The following ZNF266 variants were observed in gnomAD, a reference collection of about 807,000 sequenced individuals.
ZNF266 encodes zinc finger protein 1.
ZNF266 carries 16 observed loss-of-function variants against 16.4 expected under a neutral mutation model. The ratio of observed to expected loss-of-function variants is 0.98; its 90% CI spans 0.66 to 1.48. ZNF266 has a LOEUF of 1.48. Ranked by LOEUF, ZNF266 falls within the 40% of genes most tolerant of loss-of-function variation. The pLI, the probability that ZNF266 is intolerant of heterozygous loss-of-function variation, is 0.00. For missense variants in ZNF266, 738 were observed against 689.1 expected, an observed-to-expected ratio of 1.07 and a Z score of -0.79; for synonymous variants, 262 against 237.9, an observed-to-expected ratio of 1.10 and a Z score of -0.93.
Position 9,434,864 on chromosome 19 carries a change from G to A in ZNF266, c.-471-5C>T, listed in dbSNP as rs2072222211. 1 of 152,106 alleles carries A rather than the reference G, an allele frequency of 6.6e-6. No individual in the cohort carries two copies. The highest frequency in any genetic ancestry group is 1.9e-4 in the East Asian group (1 of 5,194). The allele number at this position is 152,106 out of a possible 1,614,324, so 9.4% of individuals were successfully genotyped here. A position where few individuals can be genotyped will look rare whatever the true frequency, so the allele number is the denominator to read the frequency against. On this transcript the variant is annotated splice_polypyrimidine_tract_variant and splice_region_variant and intron_variant, in intron 2 of 10. Transcript: ENST00000592904. ...GCTCTGTGGGGAGGTACAGGCCTAG[G>A]AAGTTCAGATAAAAAGAATAGCTGA...
At chr19:9,432,670 T>C (rs905130342) in intron 5 of ZNF266, among the ~76,000 whole-genome samples, 2 of 152,200 alleles carry the variant, frequency 1.3e-5, no homozygotes, top group Non-Finnish European at 2.9e-5. Context: ...CAAACACTTC[T>C]AATATTAAAT....
At chr19:9,415,570 T>G (rs2068849092) in intron 10 of ZNF266, 84 bp downstream of exon 10, 1 of 1,208,844 alleles carries the variant, frequency 8.3e-7, no homozygotes, top group Non-Finnish European at 1.2e-6. Flanking sequence ...GAGCCACCAT[T>G]CCCAGCTTTA....
At chr19:9,417,130 G>T (rs1167574626) in intron 9 of ZNF266, among the ~76,000 whole-genome samples, 2 of 152,174 alleles carry the variant, frequency 1.3e-5, no homozygotes, top group South Asian at 2.1e-4. Flanking sequence ...CAGCACTTTG[G>T]GAGGCCAAGG....
intron 5 of ZNF266, among the ~76,000 whole-genome samples, chr19:9,422,002 C>T (rs1167727078): frequency 6.6e-6 from 1 of 152,182 alleles, no homozygotes; most frequent in East Asian, 1.9e-4. Context: ...AGGCACCCGC[C>T]ACCACACCCG....
intron 5 of ZNF266, among the ~76,000 whole-genome samples, chr19:9,431,023 A>T (rs1401855168): frequency 6.6e-6 from 1 of 151,974 alleles, no homozygotes; most frequent in Non-Finnish European, 1.5e-5. Flanking sequence ...TCTGTACCTA[A>T]CCCACCCAAC....
chr19:9,429,597 T>C (rs1197326489), intron 5 of ZNF266, among the ~76,000 whole-genome samples: 1 of 151,826 alleles, frequency 6.6e-6, no homozygotes, highest in Non-Finnish European at 1.5e-5. Flanking sequence ...AAGACTCTGA[T>C]GGTGGAGATG....
At chr19:9,424,803 C>G (rs2070486082) in intron 5 of ZNF266, among the ~76,000 whole-genome samples, 1 of 152,108 alleles carries the variant, frequency 6.6e-6, no homozygotes, top group African/African-American at 2.4e-5. Flanking sequence ...CATGGGAATA[C>G]AAAGGACTGT....
intron 5 of ZNF266, among the ~76,000 whole-genome samples, chr19:9,429,682 A>T (rs1431038874): frequency 6.6e-6 from 1 of 152,214 alleles, no homozygotes; most frequent in Admixed American, 6.5e-5. Flanking sequence ...ATGGACACAG[A>T]ACATTTTTTT....
Position 9,414,316 on chromosome 19 carries a change from T to C in ZNF266, c.810A>G (p.Ile270Met). 2 of 1,614,066 alleles carry C rather than the reference T, an allele frequency of 1.2e-6. No homozygotes were observed. The highest frequency in any genetic ancestry group is 1.7e-6 in the Non-Finnish European group (2 of 1,179,960). The change falls in exon 11 of 11, where the codon ATA becomes ATG. Residue 270 changes from isoleucine (I) to methionine (M), a missense_variant. Physicochemically the swap from Ile to Met is conservative, Grantham distance 10. Transcript: ENST00000592904. Reference sequence around the variant, plus strand: ...AGGGTTTTTCTGACCTGTGAGTTTGTATACGCACAGCAAGGTCTGTGGAGT... The same window carrying C: ...AGGGTTTTTCTGACCTGTGAGTTTGCATACGCACAGCAAGGTCTGTGGAGT... ...FIHSTDLAVRIQTHRSEKPYK... is the reference protein window; with the variant it reads ...FIHSTDLAVRMQTHRSEKPYK...
At position 9,413,380 on chromosome 19, in the gene ZNF266, A is replaced by G; in HGVS notation, c.1746T>C (p.Thr582=). 1 of 1,614,260 alleles carries G rather than the reference A, an allele frequency of 6.2e-7. No homozygotes were observed. The highest frequency in any genetic ancestry group is 8.5e-7 in the Non-Finnish European group (1 of 1,180,044). The change falls in exon 11 of 11, where the codon ACT becomes ACC. Residue 582 remains threonine (T), a synonymous_variant. Coordinates refer to ENST00000592904, the MANE Select transcript of ZNF266 (RefSeq NM_001370374.1). ...NSFQLHERTH[T]GEKPYECKEC... is the part of the protein sequence containing the mutation. ...CCTTACATTCATAGGGTTTCTCTCC[A>G]GTGTGAGTTCGTTCATGTAACTGAA...
chr19:9,431,869 C>T (rs948822281), intron 5 of ZNF266, among the ~76,000 whole-genome samples: 3 of 152,180 alleles, frequency 2.0e-5, no homozygotes, highest in East Asian at 1.9e-4. Context: ...GTTGAGCGCA[C>T]GCACGACCTT....
chr19:9,432,770 G>A (rs533647643), intron 5 of ZNF266, among the ~76,000 whole-genome samples: 7 of 133,640 alleles, frequency 5.2e-5, no homozygotes, highest in Non-Finnish European at 9.7e-5. Context: ...GTATGTGATG[G>A]CAGTTAACAG....
At chr19:9,421,462 A>G (rs1190965754) in intron 5 of ZNF266, among the ~76,000 whole-genome samples, 1 of 152,242 alleles carries the variant, frequency 6.6e-6, no homozygotes, top group Non-Finnish European at 1.5e-5. Context: ...ATGAATTTTG[A>G]CAATCGCATA....
intron 5 of ZNF266, among the ~76,000 whole-genome samples, chr19:9,431,380 G>T (rs193189943): frequency 3.4e-4 from 52 of 152,242 alleles, no homozygotes; most frequent in Admixed American, 2.0e-4. Context: ...TGTGCCGACT[G>T]GCTTGATGGC....
Position 9,413,990 on chromosome 19 carries a change from G to A in ZNF266, c.1136C>T (p.Thr379Ile). The A allele has an allele frequency of 1.2e-6, 2 of 1,614,158 alleles. No homozygotes were observed. Among genetic ancestry groups the A allele is most frequent in the Non-Finnish European group, 1.7e-6 (2 of 1,180,038 alleles). Residue 379 changes from threonine to isoleucine, a missense_variant, in exon 11 of 11, where the codon ACT becomes ATT. Physicochemically the swap from Thr to Ile is moderately conservative, Grantham distance 89. Coordinates refer to ENST00000592904, the MANE Select transcript of ZNF266 (RefSeq NM_001370374.1). Reference protein sequence around the residue: ...GIAFTRSSQLTEHLKTHTAKD... With the variant: ...GIAFTRSSQLIEHLKTHTAKD... ...TGCAGTGTGAGTTTTTAAATGTTCA[G>A]TAAGTTGAGAAGATCTAGTGAAGGC...
intron 10 of ZNF266, 48 bp downstream of exon 10, chr19:9,415,606 C>T (rs759962709): frequency 6.9e-7 from 1 of 1,456,196 alleles, no homozygotes; most frequent in African/African-American, 1.4e-5. Context: ...ATGGAATCCC[C>T]AATCATCTCT....
intron 9 of ZNF266, 37 bp downstream of exon 9, chr19:9,417,791 A>G (rs751253650): frequency 1.9e-6 from 3 of 1,569,006 alleles, no homozygotes; most frequent in Non-Finnish European, 2.6e-6. Context: ...AAACATACTG[A>G]ACTTATTGAC....
In ZNF266 at chr19:9,413,632, A is replaced by G; in HGVS notation, c.1494T>C (p.Thr498=). The change falls in exon 11 of 11, where the codon ACT becomes ACC. Residue 498 remains threonine, a synonymous_variant. Coordinates refer to ENST00000592904, the MANE Select transcript of ZNF266 (RefSeq NM_001370374.1). The part of the protein sequence containing the change: ...SNLSGHLRIH[T]GEKPFECLEC... ...CCAGGCACTCAAAGGGCTTCTCTCC[A>G]GTGTGAATTCTCAAATGTCCACTAA... is the stretch of plus-strand genomic sequence containing the variant. 2 of 1,614,126 alleles carry G rather than the reference A, an allele frequency of 1.2e-6. No homozygotes were observed. Among genetic ancestry groups the G allele is most frequent in the Non-Finnish European group, 8.5e-7 (1 of 1,179,996 alleles).
intron 5 of ZNF266, among the ~76,000 whole-genome samples, chr19:9,421,017 C>T (rs11880207): frequency 0.56 from 84,776 of 151,326 alleles, 23,928 homozygotes; most frequent in Middle Eastern, 0.63. Flanking sequence ...GACCCAACAA[C>T]AGAATGTATT....
Sources: allele counts gnomAD v4.1 joint callset (sites outside exome capture counted in the v4.1 genomes callset), GRCh38; gene constraint gnomAD v4.1.1; transcripts MANE v1.5; gene names NCBI Gene and HGNC (gene_info 2026-07-23, HGNC 2026-07-21).